Variants in SLIT2 observed in about 807,000 individuals in gnomAD.
The protein encoded by SLIT2 is slit homolog 2 protein.
SLIT2 carries 41 observed loss-of-function variants against 185.7 expected under a neutral mutation model. The observed-to-expected ratio is 0.22, with a 90% CI of 0.17 to 0.29. The LOEUF is 0.29. Among genes scored for constraint, SLIT2 ranks in the 10% least tolerant of loss-of-function variants. The pLI is 1.00. For missense variants in SLIT2, 1,571 were observed against 1,909.0 expected (o/e 0.82, Z 3.30); for synonymous variants, 693 against 680.2 (o/e 1.02, Z -0.29).
chr4:20,568,230 A>G (rs1271707990), intron 28 of SLIT2, among the ~76,000 whole-genome samples: 1 of 152,110 alleles, frequency 6.6e-6, no homozygotes. Context: ...TTCACTTTTT[A>G]GAAGAAATAG....
chr4:20,505,835 T>A (rs1162653321), intron 9 of SLIT2, among the ~76,000 whole-genome samples: 1 of 152,086 alleles, frequency 6.6e-6, no homozygotes, highest in Admixed American at 6.6e-5. Context: ...TTGTTGGTAG[T>A]TCATTCTTTA....
chr4:20,511,156 A>G lies in SLIT2; in HGVS notation c.1058+19A>G, dbSNP rs1719668435. The G allele has an allele frequency of 3.3e-6, 5 of 1,507,730 alleles. No individual in the cohort carries two copies. The highest frequency in any genetic ancestry group is 2.7e-5 in the African/African-American group (2 of 72,846). 93.4% of individuals were successfully genotyped at this position (1,507,730 alleles called of 1,614,324 possible). On this transcript the variant is annotated intron_variant, in intron 11 of 36. Transcript: ENST00000504154. The stretch of plus-strand genomic sequence containing the variant: ...ATTCACTGTAAGTATTCACTGTGTC[A>G]CTGAAGGAAAAGAGAAGCCACAACA...
At chr4:20,606,339 G>T (rs911522387) in intron 33 of SLIT2, among the ~76,000 whole-genome samples, 1 of 151,970 alleles carries the variant, frequency 6.6e-6, no homozygotes, top group African/African-American at 2.4e-5. Flanking sequence ...AGAAGTAGCT[G>T]GGCATGGTGG....
intron 26 of SLIT2, among the ~76,000 whole-genome samples, chr4:20,556,380 C>T (rs1215762918): frequency 4.0e-5 from 6 of 151,760 alleles, no homozygotes; most frequent in African/African-American, 4.9e-5. Flanking sequence ...CTGTGCCCAG[C>T]GATACTCATA....
At chr4:20,405,808 A>C (rs1577591555) in intron 4 of SLIT2, among the ~76,000 whole-genome samples, 2 of 152,142 alleles carry the variant, frequency 1.3e-5, no homozygotes, top group Non-Finnish European at 2.9e-5. Context: ...ATTTAATTTA[A>C]AAATTTTTCT....
intron 4 of SLIT2, among the ~76,000 whole-genome samples, chr4:20,387,242 C>T (rs1489536194): frequency 2.0e-5 from 3 of 151,822 alleles, no homozygotes. Context: ...TTTGAGGATT[C>T]TAAAAGGATG....
At chr4:20,262,085 C>T (rs1260629926) in intron 3 of SLIT2, among the ~76,000 whole-genome samples, 1 of 151,798 alleles carries the variant, frequency 6.6e-6, no homozygotes. Flanking sequence ...TTAACTTAGA[C>T]ATTTAAAGTT....
intron 4 of SLIT2, among the ~76,000 whole-genome samples, chr4:20,288,017 A>G (rs1715437413): frequency 6.6e-6 from 1 of 152,208 alleles, no homozygotes; most frequent in Non-Finnish European, 1.5e-5. Context: ...GTAACATGGT[A>G]TCTGATTTTT....
At position 20,387,487 on chromosome 4, in the gene SLIT2, C is replaced by T. The variant is rs544996403; in HGVS notation, c.396-80265C>T. Among the ~76,000 whole-genome samples, 4 of 152,168 alleles carry T rather than the reference C, an allele frequency of 2.6e-5. No individual in the cohort carries two copies. In the South Asian group the frequency reaches 6.2e-4, roughly 24 times the overall value. On this transcript the variant is annotated intron_variant, in intron 4 of 36. Transcript: ENST00000504154. The stretch of plus-strand genomic sequence containing the variant: ...ACTCAAAAGAAGACAGCTAGATTTT[C>T]GTATCAGCTTCTGCATTCAATCTTG...
intron 4 of SLIT2, among the ~76,000 whole-genome samples, chr4:20,300,425 T>C (rs1304935171): frequency 1.3e-5 from 2 of 152,194 alleles, no homozygotes; most frequent in Non-Finnish European, 2.9e-5. Flanking sequence ...CATGGAATTA[T>C]ATGTGCAAGA....
intron 4 of SLIT2, among the ~76,000 whole-genome samples, chr4:20,455,466 C>A (rs1712962586): frequency 1.3e-5 from 2 of 151,896 alleles, no homozygotes; most frequent in East Asian, 1.9e-4. Context: ...GCAAAGGAAC[C>A]AAAGAGAATA....
chr4:20,420,854 C>T (rs1358718720), intron 4 of SLIT2, among the ~76,000 whole-genome samples: 1 of 152,132 alleles, frequency 6.6e-6, no homozygotes, highest in Non-Finnish European at 1.5e-5. Context: ...AGAGCTTGTT[C>T]TTTCTGTCTG....
At chr4:20,417,073 A>G (rs1011726020) in intron 4 of SLIT2, among the ~76,000 whole-genome samples, 2 of 151,860 alleles carry the variant, frequency 1.3e-5, no homozygotes, top group Non-Finnish European at 2.9e-5. Flanking sequence ...TTTACTAGTC[A>G]GTAAGGTATT....
chr4:20,410,860 T>C (rs912106995), intron 4 of SLIT2, among the ~76,000 whole-genome samples: 1 of 152,190 alleles, frequency 6.6e-6, no homozygotes, highest in Non-Finnish European at 1.5e-5. Context: ...TGCCTCCAGC[T>C]TTATTCATTT....
At chr4:20,337,393 G>T (rs555362872) in intron 4 of SLIT2, among the ~76,000 whole-genome samples, 2 of 151,860 alleles carry the variant, frequency 1.3e-5, no homozygotes, top group Non-Finnish European at 2.9e-5. Context: ...ACCTGCCCCC[G>T]TGATTCAATT....
intron 29 of SLIT2, among the ~76,000 whole-genome samples, chr4:20,588,971 G>A (rs904973491): frequency 1.3e-5 from 2 of 152,052 alleles, no homozygotes; most frequent in African/African-American, 2.4e-5. Flanking sequence ...GTTGAGCTGC[G>A]GCAATGATCC....
At position 20,598,295 on chromosome 4, in the gene SLIT2, C is replaced by T. The variant is rs149600791; in HGVS notation, c.3592C>T (p.Leu1198=). The change falls in exon 33 of 37, where the codon CTG becomes TTG. Residue 1198 remains leucine, a synonymous_variant. Coordinates refer to ENST00000504154, the MANE Select transcript of SLIT2 (RefSeq NM_004787.4). The part of the protein sequence containing the change: ...IATDEDSGIL[L]YKGDKDHIAV... ...CACAGATGAAGACAGCGGAATCCTCCTGTATAAGGGTGACAAAGACCATAT... is the reference window on the plus strand; with the variant it reads ...CACAGATGAAGACAGCGGAATCCTCTTGTATAAGGGTGACAAAGACCATAT... 59 of 1,613,972 alleles carry T rather than the reference C, an allele frequency of 3.7e-5. No homozygotes were observed. The African/African-American group carries it at 6.7e-4, about 18-fold the overall frequency.
At chr4:20,334,272 T>C (rs912422064) in intron 4 of SLIT2, among the ~76,000 whole-genome samples, 1 of 152,120 alleles carries the variant, frequency 6.6e-6, no homozygotes, top group Non-Finnish European at 1.5e-5. Flanking sequence ...CGGGATGACA[T>C]TGTCCCTGTT....
intron 4 of SLIT2, among the ~76,000 whole-genome samples, chr4:20,410,899 C>T (rs1387794814): frequency 2.0e-5 from 3 of 151,800 alleles, no homozygotes; most frequent in African/African-American, 7.3e-5. Context: ...CTATAGGGCT[C>T]TTTTTTTGGT....
Sources: gnomAD v4.1 joint callset for allele counts (sites outside exome capture counted in the v4.1 genomes callset) on GRCh38, gnomAD v4.1.1 for gene constraint, MANE v1.5 for transcripts, NCBI Gene and HGNC (gene_info 2026-07-23, HGNC 2026-07-21) for gene names.